LAMA2: variants seen among roughly 807,000 people sequenced by gnomAD.
LAMA2 encodes the protein laminin subunit alpha-2.
In LAMA2, 269 loss-of-function variants were observed where a neutral mutation model predicts 364.8. That is an observed-to-expected ratio of 0.74 (90% CI 0.67 to 0.82). The LOEUF is 0.82. LAMA2 is among the 40% of genes least tolerant of loss of function. The pLI, the probability that LAMA2 is intolerant of heterozygous loss-of-function variation, is 0.00. For synonymous variants in LAMA2, 1,379 were observed against 1,370.6 expected (o/e 1.01, Z -0.14); for missense variants, 3,807 against 3,873.2 (o/e 0.98, Z 0.45).
At chr6:129,073,531 C>G (rs916952300) in intron 3 of LAMA2, among the ~76,000 whole-genome samples, 3 of 152,126 alleles carry the variant, frequency 2.0e-5, no homozygotes, top group Admixed American at 2.0e-4. Flanking sequence ...TTGCCGTGCT[C>G]ATTATGTATT....
At chr6:128,899,591 A>G (rs1776960433) in intron 1 of LAMA2, among the ~76,000 whole-genome samples, 1 of 152,186 alleles carries the variant, frequency 6.6e-6, no homozygotes, top group Non-Finnish European at 1.5e-5. Context: ...CTTTTAAAAC[A>G]TTTTATGTGT....
At chr6:129,389,912 G>C (rs1279537151) in intron 35 of LAMA2, among the ~76,000 whole-genome samples, 1 of 152,080 alleles carries the variant, frequency 6.6e-6, no homozygotes, top group Non-Finnish European at 1.5e-5. Context: ...TGAGGTGGTC[G>C]GTGGGGGGAC....
At chr6:129,048,803 C>G (rs2114771895) in intron 1 of LAMA2, among the ~76,000 whole-genome samples, 1 of 151,844 alleles carries the variant, frequency 6.6e-6, no homozygotes, top group East Asian at 1.9e-4. Flanking sequence ...TTAGTAGAGA[C>G]AGGGTTTCAC....
intron 10 of LAMA2, among the ~76,000 whole-genome samples, chr6:129,187,277 A>G (rs1781283318): frequency 6.6e-6 from 1 of 151,796 alleles, no homozygotes; most frequent in Admixed American, 6.6e-5. Context: ...TAGACTGTCA[A>G]GATCATATAT....
chr6:129,498,469 T>A (rs374665378), intron 58 of LAMA2, among the ~76,000 whole-genome samples: 1 of 152,236 alleles, frequency 6.6e-6, no homozygotes, highest in Non-Finnish European at 1.5e-5. Context: ...AATATTACTG[T>A]AAATGCCCAA....
At chr6:129,282,811 A>C (rs1185643603) in intron 18 of LAMA2, among the ~76,000 whole-genome samples, 1 of 151,752 alleles carries the variant, frequency 6.6e-6, no homozygotes, top group Non-Finnish European at 1.5e-5. Context: ...AATCCATCCC[A>C]TTTTCTATTT....
chr6:129,363,124 C>T (rs1777561229), intron 32 of LAMA2, among the ~76,000 whole-genome samples: 1 of 152,050 alleles, frequency 6.6e-6, no homozygotes, highest in African/African-American at 2.4e-5. Flanking sequence ...GCCAGGGCAA[C>T]ACAGCAAGAC....
At chr6:129,496,649 G>T (rs1212648833) in intron 58 of LAMA2, among the ~76,000 whole-genome samples, 1 of 152,080 alleles carries the variant, frequency 6.6e-6, no homozygotes, top group East Asian at 1.9e-4. Flanking sequence ...GGGGAAAAGG[G>T]TGTCTTCTTT....
chr6:129,237,916 T>G (rs1785105815), intron 12 of LAMA2, among the ~76,000 whole-genome samples: 1 of 149,848 alleles, frequency 6.7e-6, no homozygotes, highest in South Asian at 2.1e-4. Context: ...CTCACCACTT[T>G]GGGAGGCTGA....
Position 129,200,737 on chromosome 6 carries a change from T to C in LAMA2, c.1782+7884T>C, listed in dbSNP as rs374592296. Reference sequence around the variant, plus strand: ...TGCTATCAGTGTGAAAATAAACCAATAGACCTGAAAAAATAGCCCATAGAT... The same window carrying C: ...TGCTATCAGTGTGAAAATAAACCAACAGACCTGAAAAAATAGCCCATAGAT... On this transcript the variant is annotated intron_variant, in intron 12 of 64. Transcript: ENST00000421865. Among the ~76,000 whole-genome samples, 8 of 151,848 alleles carry C rather than the reference T, an allele frequency of 5.3e-5. 1 individual carries two copies. The East Asian group carries it at 1.2e-3, about 22-fold the overall frequency.
intron 13 of LAMA2, among the ~76,000 whole-genome samples, chr6:129,250,580 T>C (rs1353825783): frequency 6.6e-6 from 1 of 152,200 alleles, no homozygotes; most frequent in Non-Finnish European, 1.5e-5. Context: ...ACTCCCTTGT[T>C]TATATTAGAT....
At chr6:129,191,776 T>C (rs1204927282) in intron 11 of LAMA2, among the ~76,000 whole-genome samples, 1 of 152,156 alleles carries the variant, frequency 6.6e-6, no homozygotes, top group Non-Finnish European at 1.5e-5. Flanking sequence ...CCACATAGAG[T>C]CACCCTTAGC....
intron 1 of LAMA2, among the ~76,000 whole-genome samples, chr6:129,005,103 C>G (rs2114682675): frequency 1.3e-5 from 2 of 151,992 alleles, no homozygotes; most frequent in East Asian, 3.9e-4. Flanking sequence ...ATAAAAAGTC[C>G]TATAGGTTAT....
At chr6:129,418,080 C>G (rs760654030) in intron 40 of LAMA2, among the ~76,000 whole-genome samples, 2 of 152,148 alleles carry the variant, frequency 1.3e-5, no homozygotes, top group Non-Finnish European at 2.9e-5. Flanking sequence ...GAGCACAAAG[C>G]CAGACAGGCT....
chr6:129,071,220 G>A (rs1005530573), intron 3 of LAMA2, among the ~76,000 whole-genome samples: 1 of 152,176 alleles, frequency 6.6e-6, no homozygotes, highest in Non-Finnish European at 1.5e-5. Flanking sequence ...AGTTGTTAGT[G>A]ATATTATCAT....
intron 40 of LAMA2, among the ~76,000 whole-genome samples, chr6:129,409,393 C>G (rs1780410926): frequency 1.3e-5 from 2 of 152,176 alleles, no homozygotes; most frequent in South Asian, 2.1e-4. Context: ...GAGCCACTTC[C>G]TCATGCAACT....
Position 129,029,522 on chromosome 6 carries a change from T to G in LAMA2, c.113-20396T>G, listed in dbSNP as rs1211715851. Among the ~76,000 whole-genome samples the G allele has an allele frequency of 2.6e-5, 4 of 152,084 alleles. No individual in the cohort carries two copies. In the East Asian group the frequency reaches 7.7e-4, roughly 29 times the overall value. On this transcript the variant is annotated intron_variant, in intron 1 of 64. Coordinates refer to ENST00000421865, the MANE Select transcript of LAMA2 (RefSeq NM_000426.4). ...ATAGTCAGATTGATTCTCAAAACAC[T>G]TTTTAAATGTCTAGAAATATTTACA...
chr6:129,400,969 C>A (rs1363491566), intron 37 of LAMA2, among the ~76,000 whole-genome samples: 1 of 152,158 alleles, frequency 6.6e-6, no homozygotes, highest in Non-Finnish European at 1.5e-5. Context: ...AATTCCTTAA[C>A]TAGTATCGCA....
At chr6:129,239,987 C>T (rs189756984) in intron 12 of LAMA2, among the ~76,000 whole-genome samples, 1 of 152,334 alleles carries the variant, frequency 6.6e-6, no homozygotes, top group Admixed American at 6.5e-5. Flanking sequence ...GTTCGATTCC[C>T]AGAACCTCAA....
Sources: gnomAD v4.1 joint callset for allele counts (sites outside exome capture counted in the v4.1 genomes callset) on GRCh38, gnomAD v4.1.1 for gene constraint, MANE v1.5 for transcripts, NCBI Gene and HGNC (gene_info 2026-07-23, HGNC 2026-07-21) for gene names.